Variants in MSI2 observed in about 807,000 individuals in gnomAD.
MSI2 encodes musashi RNA binding protein 2.
Under a neutral mutation model 45.6 loss-of-function variants are expected in MSI2, and 17 were observed. The observed-to-expected ratio is 0.37, with a 90% CI of 0.26 to 0.56. The LOEUF is 0.56. Among genes scored for constraint, MSI2 ranks in the 20% least tolerant of loss-of-function variants. The pLI is 0.77. For missense variants in MSI2, 293 were observed against 444.2 expected (o/e 0.66, Z 3.06); for synonymous variants, 156 against 158.2 (o/e 0.99, Z 0.11).
chr17:57,643,961 T>G (rs1910448515), intron 10 of MSI2, among the ~76,000 whole-genome samples: 1 of 152,114 alleles, frequency 6.6e-6, no homozygotes, highest in South Asian at 2.1e-4. Context: ...TTGGCCCCTC[T>G]CCGGAGGGAC....
intron 7 of MSI2, among the ~76,000 whole-genome samples, chr17:57,545,987 C>T (rs1379064704): frequency 6.6e-6 from 1 of 152,158 alleles, no homozygotes; most frequent in East Asian, 1.9e-4. Context: ...AGAGGGGACA[C>T]TTATCATCCC....
chr17:57,428,835 C>T (rs1274813362), intron 6 of MSI2, among the ~76,000 whole-genome samples: 2 of 152,106 alleles, frequency 1.3e-5, no homozygotes, highest in Non-Finnish European at 2.9e-5. Flanking sequence ...GTAAACACAC[C>T]CAGTTCTTTC....
chr17:57,309,977 A>G (rs1179887791), intron 5 of MSI2, among the ~76,000 whole-genome samples: 1 of 152,186 alleles, frequency 6.6e-6, no homozygotes, highest in Non-Finnish European at 1.5e-5. Context: ...ATGGGGGTGC[A>G]GGGGCTGGGG....
chr17:57,548,898 T>C (rs947336039), intron 7 of MSI2, among the ~76,000 whole-genome samples: 29 of 121,348 alleles, frequency 2.4e-4, no homozygotes, highest in Middle Eastern at 4.0e-3. Context: ...TGTTTACCCT[T>C]CCCCCCCCCA....
chr17:57,632,566 T>C (rs561724652), intron 10 of MSI2: 27 of 1,066,696 alleles, frequency 2.5e-5, no homozygotes, highest in South Asian at 4.5e-5. Context: ...GCTGGCACCA[T>C]TGGAGTAGGA....
intron 5 of MSI2, among the ~76,000 whole-genome samples, chr17:57,353,890 G>T (rs1482205676): frequency 6.6e-6 from 1 of 152,024 alleles, no homozygotes; most frequent in Non-Finnish European, 1.5e-5. Context: ...GTGTGTAAAG[G>T]GTCCAGATAG....
intron 6 of MSI2, among the ~76,000 whole-genome samples, chr17:57,452,928 A>C (rs2085045564): frequency 1.3e-5 from 2 of 151,240 alleles, no homozygotes; most frequent in South Asian, 4.2e-4. Flanking sequence ...AGACTGGGGA[A>C]GGATTCTGCA....
At chr17:57,693,450 C>T in the MSI2 span, among the ~76,000 whole-genome samples, 2 of 151,928 alleles carry the variant, frequency 1.3e-5, no homozygotes, top group East Asian at 3.9e-4. Context: ...AGTCTGTTGA[C>T]CTATTTTCAA....
intron 5 of MSI2, among the ~76,000 whole-genome samples, chr17:57,307,056 C>T (rs972916086): frequency 2.6e-5 from 4 of 152,170 alleles, no homozygotes; most frequent in Non-Finnish European, 5.9e-5. Flanking sequence ...TTTTGAGCTT[C>T]GGATGCCTGC....
At chr17:57,278,874 T>C (rs1036524213) in intron 5 of MSI2, 14 of 152,282 alleles carry the variant, frequency 9.2e-5, no homozygotes, top group African/African-American at 3.4e-4. Context: ...CCAGCACCTG[T>C]TTCTCATGCC....
intron 5 of MSI2, among the ~76,000 whole-genome samples, chr17:57,386,519 G>A (rs2083688495): frequency 2.0e-5 from 3 of 152,112 alleles, no homozygotes; most frequent in Non-Finnish European, 4.4e-5. Context: ...ATTCTTTTAG[G>A]TGCTAGGAAT....
intron 7 of MSI2, among the ~76,000 whole-genome samples, chr17:57,593,903 G>A (rs2144437667): frequency 6.6e-6 from 1 of 152,280 alleles, no homozygotes; most frequent in Non-Finnish European, 1.5e-5. Flanking sequence ...TCTGACTCGT[G>A]CCTGTTCGTG....
chr17:57,494,152 G>A (rs960751887), intron 6 of MSI2, among the ~76,000 whole-genome samples: 1 of 152,162 alleles, frequency 6.6e-6, no homozygotes, highest in Admixed American at 6.5e-5. Flanking sequence ...GGCTCAGAGA[G>A]GTTCAACAAC....
intron 9 of MSI2, among the ~76,000 whole-genome samples, chr17:57,620,654 GC>G (rs1265997883): frequency 3.9e-5 from 6 of 152,168 alleles, no homozygotes; most frequent in African/African-American, 1.4e-4. Flanking sequence ...TGGACTCCCA[GC>G]CCAAGGAGTT....
At chr17:57,671,945 A>C (rs1598513699) in intron 11 of MSI2, among the ~76,000 whole-genome samples, 1 of 152,178 alleles carries the variant, frequency 6.6e-6, no homozygotes, top group Non-Finnish European at 1.5e-5. Context: ...GACAGAGAGA[A>C]GTGTCGACTG....
intron 6 of MSI2, among the ~76,000 whole-genome samples, chr17:57,417,565 G>A (rs916245139): frequency 6.6e-6 from 1 of 152,108 alleles, no homozygotes; most frequent in South Asian, 2.1e-4. Flanking sequence ...CCCCCAAGAA[G>A]CCACAAGGCA....
At chr17:57,694,961 AT>A in the MSI2 span, among the ~76,000 whole-genome samples, 2 of 152,278 alleles carry the variant, frequency 1.3e-5, no homozygotes, top group Non-Finnish European at 1.5e-5. Flanking sequence ...TGCTATAATT[AT>A]GTCAAATCAA....
At chr17:57,554,399 T>G (rs749747870) in intron 7 of MSI2, among the ~76,000 whole-genome samples, 12 of 152,174 alleles carry the variant, frequency 7.9e-5, no homozygotes, top group Non-Finnish European at 1.5e-5. Flanking sequence ...GCCGCCAGCA[T>G]CTGCCGCCAG....
chr17:57,579,765 C>T (rs2088151886), intron 7 of MSI2, among the ~76,000 whole-genome samples: 1 of 152,160 alleles, frequency 6.6e-6, no homozygotes, highest in African/African-American at 2.4e-5. Context: ...CTGATGGGGG[C>T]TAGGAACTGT....
Sources: gnomAD v4.1 joint callset for allele counts (sites outside exome capture counted in the v4.1 genomes callset) on GRCh38, gnomAD v4.1.1 for gene constraint, MANE v1.5 for transcripts, NCBI Gene and HGNC (gene_info 2026-07-23, HGNC 2026-07-21) for gene names.